Variants in NPRL3 observed in about 807,000 individuals in gnomAD.
NPRL3 encodes the protein NPR3 like, GATOR1 complex subunit.
A neutral mutation model predicts 57.2 loss-of-function variants in NPRL3; 23 were observed. The ratio of observed to expected loss-of-function variants is 0.40; its 90% CI spans 0.29 to 0.57. The LOEUF (loss-of-function observed/expected upper bound fraction) is 0.57. Among genes scored for constraint, NPRL3 ranks in the 20% least tolerant of loss-of-function variants. The pLI is 0.42. For synonymous variants in NPRL3, 333 were observed against 321.1 expected (o/e 1.04, Z -0.39); for missense variants, 691 against 767.1 (o/e 0.90, Z 1.17).
intron 2 of NPRL3, among the ~76,000 whole-genome samples, chr16:136,687 CAA>C (rs78093894): frequency 1.6e-4 from 14 of 85,180 alleles, no homozygotes; most frequent in Non-Finnish European, 1.7e-4. Context: ...AGACTCGTCT[CAA>C]AAAAAAAAAA....
Position 119,263 on chromosome 16 carries a change from T to G in NPRL3, c.189-8A>C, listed in dbSNP as rs1316204761. 5.0e-6 allele frequency: 8 copies of G among 1,598,346 alleles called. No homozygotes were observed. In the East Asian group the frequency reaches 1.6e-4, roughly 32 times the overall value. On this transcript the variant is annotated splice_region_variant and splice_polypyrimidine_tract_variant and intron_variant, in intron 3 of 13. Transcript: ENST00000611875. Reference sequence around the variant, plus strand: ...AGAATAACATCTGAAAACCTTAAAATTTAAGAGAGGTAGAATAAAAATAAG... The same window carrying G: ...AGAATAACATCTGAAAACCTTAAAAGTTAAGAGAGGTAGAATAAAAATAAG...
At chr16:88,646 C>G in intron 13 of NPRL3, 52 bp downstream of exon 13, 1 of 1,517,050 alleles carries the variant, frequency 6.6e-7, no homozygotes, top group Non-Finnish European at 9.0e-7. Flanking sequence ...TATCCACTTT[C>G]TGCCCTGACC....
rs987312982 is a variant in NPRL3, at chr16:86,406, C to A, written c.*299G>T. On this transcript the variant is annotated 3_prime_UTR_variant, in exon 14 of 14. Coordinates refer to ENST00000611875, the MANE Select transcript of NPRL3 (RefSeq NM_001077350.3). The stretch of plus-strand genomic sequence containing the variant: ...CAGCCCACATGGGCCTTGAAGGATG[C>A]GGCCTCACCCAGAGACAGGAGTCCT... The A allele has an allele frequency of 1.2e-4, 48 of 400,902 alleles. No homozygotes were observed. Among genetic ancestry groups the A allele is most frequent in the Non-Finnish European group, 1.3e-4 (27 of 215,672 alleles). The allele number at this position is 400,902 out of a possible 1,614,324, so 24.8% of individuals were successfully genotyped here. A position where few individuals can be genotyped will look rare whatever the true frequency, so the allele number is the denominator to read the frequency against.
intron 3 of NPRL3, among the ~76,000 whole-genome samples, chr16:123,093 C>T (rs1177706571): frequency 6.6e-6 from 1 of 152,112 alleles, no homozygotes. Context: ...CCACAAAACC[C>T]CTCAAAAAAT....
At chr16:110,407 T>G (rs1707359099) in intron 7 of NPRL3, 118 bp downstream of exon 7, 2 of 710,342 alleles carry the variant, frequency 2.8e-6, no homozygotes, top group South Asian at 4.0e-5. Context: ...ACCCTGATGC[T>G]CACACCCCAG....
At chr16:103,296 A>ATTTTTTTTTTT (rs533871530) in intron 7 of NPRL3, among the ~76,000 whole-genome samples, 927 of 42,090 alleles carry the variant, frequency 0.022, 262 homozygotes, top group African/African-American at 0.047. Flanking sequence ...GCCTGGGGTG[A>ATTTTTTTTTTT]TTTTTTTTTT....
At position 88,890 on chromosome 16, in the gene NPRL3, G is replaced by A; in HGVS notation, c.1352C>T (p.Thr451Ile). Residue 451 changes from threonine to isoleucine, a missense_variant and splice_region_variant, in exon 13 of 14, where the codon ACC becomes ATC. Thr to Ile is a moderately conservative substitution (Grantham distance 89, BLOSUM62 -1). Transcript: ENST00000611875. ...GGTGAGGGTCATGTCATCGCTGCTG[G>A]CTGTGGGGGACATGGGTCAGGGTGA... ...TPNALSFGSPTSSDDMTLTSP... is the reference protein window; with the variant it reads ...TPNALSFGSPISSDDMTLTSP... 1.9e-6 allele frequency: 3 copies of A among 1,608,092 alleles called. No individual in the cohort carries two copies. Among genetic ancestry groups the A allele is most frequent in the Non-Finnish European group, 2.6e-6 (3 of 1,175,066 alleles).
At chr16:103,116 G>A (rs1899368922) in intron 7 of NPRL3, among the ~76,000 whole-genome samples, 1 of 151,828 alleles carries the variant, frequency 6.6e-6, no homozygotes, top group Non-Finnish European at 1.5e-5. Context: ...GGGTCAGAAA[G>A]GAGGGCCACT....
intron 3 of NPRL3, among the ~76,000 whole-genome samples, chr16:129,429 G>A (rs1179074221): frequency 1.3e-5 from 2 of 152,032 alleles, no homozygotes; most frequent in Non-Finnish European, 2.9e-5. Flanking sequence ...AAGCCCCATC[G>A]CCCTTCCAAA....
At chr16:132,418 A>G (rs1596541608) in intron 2 of NPRL3, among the ~76,000 whole-genome samples, 1 of 152,100 alleles carries the variant, frequency 6.6e-6, no homozygotes, top group Non-Finnish European at 1.5e-5. Flanking sequence ...CTAATTCTAG[A>G]TCTCTTGCTA....
chr16:138,072 G>A (rs1016028602), intron 2 of NPRL3, 78 bp downstream of exon 2: 2 of 1,063,022 alleles, frequency 1.9e-6, no homozygotes. Flanking sequence ...TAAGCTCCGC[G>A]AGGCGGCCCT....
chr16:129,632 C>A (rs552133719), intron 3 of NPRL3, among the ~76,000 whole-genome samples: 18 of 152,310 alleles, frequency 1.2e-4, no homozygotes, highest in Non-Finnish European at 2.2e-4. Flanking sequence ...GCCTGGGCAA[C>A]AAAGCAAGAC....
chr16:107,372 A>C (rs893412419), intron 7 of NPRL3, among the ~76,000 whole-genome samples: 4 of 146 alleles, frequency 0.027, no homozygotes, highest in Non-Finnish European at 0.051. Flanking sequence ...CGAGCCGGGC[A>C]CGGTGCTCAC....
rs187114189 is a variant in NPRL3 at position 122,242 on chromosome 16, G to A, written c.189-2987C>T. 2.2e-3 allele frequency among the ~76,000 whole-genome samples: 337 copies of A among 152,062 alleles called. 2 individuals are homozygous for A. The highest frequency in any genetic ancestry group is 4.6e-3 in the South Asian group (22 of 4,822). Reference sequence around the variant, plus strand: ...CTCCCAAATATCTGGGATTACAGGCGCGTGCCACCAAGCCCGGCTAATTTT... The same window carrying A: ...CTCCCAAATATCTGGGATTACAGGCACGTGCCACCAAGCCCGGCTAATTTT... On this transcript the variant is annotated intron_variant, in intron 3 of 13. Coordinates refer to ENST00000611875, the MANE Select transcript of NPRL3 (RefSeq NM_001077350.3).
chr16:115,969 T>C (rs1425395846), intron 5 of NPRL3, among the ~76,000 whole-genome samples: 1 of 152,248 alleles, frequency 6.6e-6, no homozygotes, highest in Non-Finnish European at 1.5e-5. Context: ...AAAATCTTTA[T>C]TCTTGCTGAG....
At chr16:131,382 G>C (rs1036419901) in intron 2 of NPRL3, among the ~76,000 whole-genome samples, 1 of 145,466 alleles carries the variant, frequency 6.9e-6, no homozygotes, top group Non-Finnish European at 1.5e-5. Flanking sequence ...TGGAGGGTGA[G>C]GCAAGAGAAT....
intron 5 of NPRL3, among the ~76,000 whole-genome samples, chr16:116,016 G>C (rs1238018143): frequency 1.3e-5 from 2 of 152,228 alleles, no homozygotes; most frequent in South Asian, 4.1e-4. Flanking sequence ...AGTTGTAAAA[G>C]TTGCTTGTTT....
At chr16:96,264 T>G (rs1418984620) in intron 9 of NPRL3, among the ~76,000 whole-genome samples, 1 of 152,034 alleles carries the variant, frequency 6.6e-6, no homozygotes. Context: ...AGAGGCACAG[T>G]GTCCAGCACA....
chr16:104,988 G>A (rs1215949066), intron 7 of NPRL3, among the ~76,000 whole-genome samples: 1 of 152,182 alleles, frequency 6.6e-6, no homozygotes, highest in East Asian at 1.9e-4. Context: ...GCAGGGTTTG[G>A]GCCCTGAAAG....
Sources: allele counts gnomAD v4.1 joint callset (sites outside exome capture counted in the v4.1 genomes callset), GRCh38; gene constraint gnomAD v4.1.1; transcripts MANE v1.5; gene names NCBI Gene and HGNC (gene_info 2026-07-23, HGNC 2026-07-21).